Variants in ATP9B observed in about 807,000 individuals in gnomAD.
ATP9B encodes ATPase phospholipid transporting 9B, also known as probable phospholipid-transporting ATPase IIB.
A neutral mutation model predicts 146.1 loss-of-function variants in ATP9B; 110 were observed. That is an observed-to-expected ratio of 0.75 (90% CI 0.65 to 0.88). The LOEUF (loss-of-function observed/expected upper bound fraction) is 0.88, where lower values mean the gene tolerates loss of function less well. Among genes scored for constraint, ATP9B ranks in the 40% least tolerant of loss-of-function variants. The pLI, the probability that ATP9B is intolerant of heterozygous loss-of-function variation, is 0.00. For missense variants in ATP9B, 1,499 were observed against 1,496.4 expected (o/e 1.00, Z -0.03); for synonymous variants, 604 against 569.7 (o/e 1.06, Z -0.86).
At chr18:79,269,272 C>T (rs1218787398) in intron 12 of ATP9B, among the ~76,000 whole-genome samples, 4 of 152,192 alleles carry the variant, frequency 2.6e-5, no homozygotes, top group African/African-American at 4.8e-5. Flanking sequence ...CCGCTGCTCT[C>T]GCTGCTGCAC....
At chr18:79,112,039 TAGAC>T (rs141087279) in intron 3 of ATP9B, among the ~76,000 whole-genome samples, 9,236 of 152,254 alleles carry the variant, frequency 0.061, 354 homozygotes, top group Non-Finnish European at 0.092. Context: ...AAAACATTCT[TAGAC>T]AGCAGGTTGA....
intron 12 of ATP9B, among the ~76,000 whole-genome samples, chr18:79,267,753 C>T (rs370689492): frequency 7.2e-5 from 11 of 152,070 alleles, no homozygotes; most frequent in Non-Finnish European, 1.5e-4. Flanking sequence ...TGTGTTGAGA[C>T]TTGTTCTAGG....
At chr18:79,251,656 TGA>T (rs1294752205) in intron 11 of ATP9B, among the ~76,000 whole-genome samples, 2 of 152,242 alleles carry the variant, frequency 1.3e-5, no homozygotes, top group African/African-American at 4.8e-5. Context: ...GATGATCTCA[TGA>T]GAGTTTGTGG....
chr18:79,375,281 A>C lies in ATP9B; in HGVS notation c.3275-113A>C, dbSNP rs140681305. On this transcript the variant is annotated intron_variant, in intron 28 of 29. Coordinates refer to ENST00000426216, the MANE Select transcript of ATP9B (RefSeq NM_198531.5). ...AAACCACATTGAAAACGCAGCTTGC[A>C]CTGCCATTTTATTGCTTTTTAATGT... 2.3e-5 allele frequency: 21 copies of C among 922,774 alleles called. No homozygotes were observed. The African/African-American group carries it at 3.0e-4, about 13-fold the overall frequency. The allele number at this position is 922,774 out of a possible 1,614,324, so 57.2% of individuals were successfully genotyped here.
chr18:79,159,462 G>A (rs761448757), intron 7 of ATP9B, among the ~76,000 whole-genome samples: 1 of 152,064 alleles, frequency 6.6e-6, no homozygotes, highest in Non-Finnish European at 1.5e-5. Flanking sequence ...CTGTGAATCA[G>A]TAGAGTTCAC....
At chr18:79,127,667 G>A (rs141246521) in intron 5 of ATP9B, among the ~76,000 whole-genome samples, 1 of 152,146 alleles carries the variant, frequency 6.6e-6, no homozygotes, top group Admixed American at 6.6e-5. Context: ...TGCAGCTATG[G>A]ACATTTGTGT....
At chr18:79,078,774 C>A (rs2072917196) in intron 1 of ATP9B, among the ~76,000 whole-genome samples, 2 of 151,894 alleles carry the variant, frequency 1.3e-5, no homozygotes, top group Non-Finnish European at 2.9e-5. Context: ...AACCCATCAT[C>A]TACATTAGGT....
chr18:79,261,684 T>C lies in ATP9B; in HGVS notation c.1268+8143T>C, dbSNP rs116084714. On this transcript the variant is annotated intron_variant, in intron 12 of 29. Transcript: ENST00000426216. ...AAACCAGTACACCACATAGAGTCAT[T>C]TTTTACAAAATGCTTCATCCCCTGC... 7.6e-3 allele frequency among the ~76,000 whole-genome samples: 1,155 copies of C among 152,230 alleles called. 18 individuals carry two copies. The highest frequency in any genetic ancestry group is 0.027 in the African/African-American group (1,109 of 41,516).
chr18:79,332,195 C>T (rs1276834475), intron 17 of ATP9B, among the ~76,000 whole-genome samples: 1 of 152,170 alleles, frequency 6.6e-6, no homozygotes, highest in Non-Finnish European at 1.5e-5. Context: ...TTTGGGAGGC[C>T]AAGGCGGGCA....
At chr18:79,089,378 T>TC (rs2074122885) in intron 1 of ATP9B, among the ~76,000 whole-genome samples, 1 of 152,204 alleles carries the variant, frequency 6.6e-6, no homozygotes, top group African/African-American at 2.4e-5. Flanking sequence ...CTGCACTGTG[T>TC]CCCTTGTTCC....
intron 11 of ATP9B, among the ~76,000 whole-genome samples, chr18:79,231,776 GTGTATATATA>G (rs1394874594): frequency 2.1e-5 from 2 of 94,984 alleles, no homozygotes; most frequent in Non-Finnish European, 4.4e-5. Context: ...ATGTGTGTGT[GTGTATATATA>G]TATATATATA....
intron 11 of ATP9B, among the ~76,000 whole-genome samples, chr18:79,231,971 A>G (rs548941683): frequency 5.8e-4 from 88 of 152,214 alleles, no homozygotes; most frequent in African/African-American, 2.0e-3. Flanking sequence ...TGAATATGCA[A>G]AGGCATAAGA....
intron 14 of ATP9B, among the ~76,000 whole-genome samples, chr18:79,305,000 G>A (rs2096612825): frequency 6.6e-6 from 1 of 152,148 alleles, no homozygotes; most frequent in Non-Finnish European, 1.5e-5. Context: ...ACAGTTCCCA[G>A]CGCTGCACGG....
intron 10 of ATP9B, among the ~76,000 whole-genome samples, chr18:79,213,643 A>T (rs1162964806): frequency 6.6e-6 from 1 of 152,168 alleles, no homozygotes; most frequent in African/African-American, 2.4e-5. Flanking sequence ...CTTCAGTGAT[A>T]GAACCACCAT....
chr18:79,322,629 C>G (rs989954789), intron 15 of ATP9B, among the ~76,000 whole-genome samples: 12 of 152,230 alleles, frequency 7.9e-5, no homozygotes, highest in African/African-American at 2.7e-4. Flanking sequence ...AGCAGTTTCT[C>G]ACAGTATTTG....
At chr18:79,198,437 T>C (rs1187415549) in intron 9 of ATP9B, among the ~76,000 whole-genome samples, 1 of 152,198 alleles carries the variant, frequency 6.6e-6, no homozygotes, top group Non-Finnish European at 1.5e-5. Flanking sequence ...GCCCTAAACA[T>C]TTATGCACTA....
At chr18:79,362,898 C>T (rs1476569911) in intron 26 of ATP9B, 1 of 152,222 alleles carries the variant, frequency 6.6e-6, no homozygotes, top group Non-Finnish European at 1.5e-5. Flanking sequence ...ACCATTCGGA[C>T]CCCTTCACTA....
At chr18:79,246,294 C>CACCGCCCTACTGTCTGTGG (rs2095960595) in intron 11 of ATP9B, among the ~76,000 whole-genome samples, 1 of 84,392 alleles carries the variant, frequency 1.2e-5, no homozygotes, top group South Asian at 4.6e-4. Context: ...ACTGTCTGTG[C>CACCGCCCTACTGTCTGTGG]GGAGGGCACC....
chr18:79,161,757 A>AATGGC (rs1324984533), intron 7 of ATP9B, among the ~76,000 whole-genome samples: 5 of 152,092 alleles, frequency 3.3e-5, no homozygotes, highest in Non-Finnish European at 5.9e-5. Context: ...GAGGCAGGAG[A>AATGGC]ATGGCGTGAA....
Sources: gnomAD v4.1 joint callset for allele counts (sites outside exome capture counted in the v4.1 genomes callset) on GRCh38, gnomAD v4.1.1 for gene constraint, MANE v1.5 for transcripts, NCBI Gene and HGNC (gene_info 2026-07-23, HGNC 2026-07-21) for gene names.